The following CCDC92 variants were observed in gnomAD, a reference collection of about 807,000 sequenced individuals.
CCDC92 encodes coiled-coil domain containing 92.
In CCDC92, 12 loss-of-function variants were observed where a neutral mutation model predicts 24.9. The observed-to-expected ratio is 0.48, with a 90% confidence interval of 0.31 to 0.78. The LOEUF is 0.78. Among genes scored for constraint, CCDC92 ranks in the 30% least tolerant of loss-of-function variants. The pLI is 0.05. For synonymous variants in CCDC92, 193 were observed against 196.3 expected, an observed-to-expected ratio of 0.98 and a Z score of 0.14; for missense variants, 399 against 439.4, an observed-to-expected ratio of 0.91 and a Z score of 0.82.
intron 1 of CCDC92, among the ~76,000 whole-genome samples, chr12:123,949,546 C>T (rs1048210015): frequency 2.6e-5 from 4 of 152,210 alleles, no homozygotes; most frequent in African/African-American, 9.6e-5. Flanking sequence ...TAGTTTTTCT[C>T]CCCACAGAAC....
In CCDC92 at chr12:123,936,967, G is replaced by A. The variant is rs1201215525; in HGVS notation, c.*91C>T. On this transcript the variant is annotated 3_prime_UTR_variant, in exon 5 of 5. Transcript: ENST00000238156. ...GGTCGGTAGGTGTGAAAAGTGTTTG[G>A]CATGCATGGGATTAAACAGAAAAGG... 2.1e-6 allele frequency: 3 copies of A among 1,425,728 alleles called. No individual in the cohort carries two copies. Among genetic ancestry groups the A allele is most frequent in the Non-Finnish European group, 2.9e-6 (3 of 1,034,042 alleles). The allele number at this position is 1,425,728 out of a possible 1,614,324, so 88.3% of individuals were successfully genotyped here.
At chr12:123,949,353 C>T (rs982139534) in intron 1 of CCDC92, among the ~76,000 whole-genome samples, 6 of 152,248 alleles carry the variant, frequency 3.9e-5, no homozygotes, top group Non-Finnish European at 8.8e-5. Context: ...TTGCTGAGAG[C>T]CATCCGCAAT....
In CCDC92 at chr12:123,943,422, A is replaced by C. The variant is rs1391272174; in HGVS notation, c.106T>G (p.Phe36Val). The change falls in exon 3 of 5, where the codon TTC becomes GTC. Residue 36 changes from phenylalanine (F) to valine (V), a missense_variant. Phe to Val is a conservative substitution (Grantham distance 50). Transcript: ENST00000238156. ...QLHSAQKNLL[F>V]LQREHASTLK... ...GTGCTGGCATGCTCCCGCTGAAGGA[A>C]CAGGAGGTTCTTCTGTGCGCTGTGC... The C allele has an allele frequency of 6.2e-7, 1 of 1,614,158 alleles. No individual in the cohort carries two copies.
At chr12:123,972,176 T>C (rs958217278) in intron 1 of CCDC92, 2 of 151,824 alleles carry the variant, frequency 1.3e-5, no homozygotes, top group African/African-American at 4.8e-5. Flanking sequence ...GTCCGCACCC[T>C]GGACTGGAGC....
At chr12:123,970,518 T>C (rs1180443478) in intron 1 of CCDC92, among the ~76,000 whole-genome samples, 1 of 152,252 alleles carries the variant, frequency 6.6e-6, no homozygotes, top group African/African-American at 2.4e-5. Context: ...CAAATCCTTC[T>C]GCAGGTTGAA....
intron 1 of CCDC92, among the ~76,000 whole-genome samples, chr12:123,958,115 G>A (rs1262488596): frequency 7.9e-5 from 12 of 152,070 alleles, no homozygotes; most frequent in South Asian, 4.1e-4. Flanking sequence ...GTGCAACGGC[G>A]TGATCTCAGC....
At chr12:123,970,419 C>T (rs987412418) in intron 1 of CCDC92, 2 of 152,238 alleles carry the variant, frequency 1.3e-5, no homozygotes, top group African/African-American at 2.4e-5. Context: ...TTTCTGTACT[C>T]AATAATTACT....
chr12:123,958,505 A>G (rs191893089), intron 1 of CCDC92, among the ~76,000 whole-genome samples: 44 of 152,350 alleles, frequency 2.9e-4, no homozygotes, highest in Non-Finnish European at 5.6e-4. Context: ...TCCAATTTCA[A>G]ACTCAGGCTG....
chr12:123,969,444 A>G (rs892066721), intron 1 of CCDC92, among the ~76,000 whole-genome samples: 14 of 144,084 alleles, frequency 9.7e-5, no homozygotes, highest in Admixed American at 9.1e-4. Flanking sequence ...ATCATCTCTT[A>G]TATCATCTCT....
In CCDC92 at chr12:123,937,684, T is replaced by C. The variant is rs1189402811; in HGVS notation, c.370A>G (p.Lys124Glu). 6.2e-7 allele frequency: 1 copy of C among 1,614,152 alleles called. No homozygotes were observed. The highest frequency in any genetic ancestry group is 2.2e-5 in the East Asian group (1 of 44,882). The stretch of plus-strand genomic sequence containing the variant: ...TCCAGGTACTTCTTCTCTCGCTCCT[T>C]GATGGTGTTCTCCAGCACTGTGATC... The part of the protein sequence containing the change: ...AMITVLENTI[K>E]EREKKYLEEL... The change falls in exon 5 of 5, where the codon AAG (lysine) becomes GAG (glutamate). Residue 124 changes from lysine (K) to glutamate (E), a missense_variant. Physicochemically the swap from Lys to Glu is moderately conservative, Grantham distance 56 (BLOSUM62 1). Coordinates refer to ENST00000238156, the MANE Select transcript of CCDC92 (RefSeq NM_025140.3). This position sits in a 1 kb window ranked among gnomAD's most constrained non-coding sequence, Gnocchi z 8.4.
intron 1 of CCDC92, among the ~76,000 whole-genome samples, chr12:123,957,699 C>CTTTTTTTTTTTTT (rs59738995): frequency 1.3e-5 from 1 of 75,918 alleles, no homozygotes; most frequent in Non-Finnish European, 2.4e-5. Flanking sequence ...TTTTTTCCTT[C>CTTTTTTTTTTTTT]TTTTTTTTTT....
At chr12:123,961,821 G>A (rs551691182) in intron 1 of CCDC92, among the ~76,000 whole-genome samples, 3 of 152,274 alleles carry the variant, frequency 2.0e-5, no homozygotes, top group East Asian at 1.9e-4. Context: ...CAGTTCACAC[G>A]TTGGCAAATA....
intron 4 of CCDC92, among the ~76,000 whole-genome samples, chr12:123,938,393 G>T (rs1566144208): frequency 6.6e-6 from 1 of 152,084 alleles, no homozygotes; most frequent in Non-Finnish European, 1.5e-5. Context: ...TGCTCAGAGA[G>T]TGAGCTGTCT....
chr12:123,937,429 T>C lies in CCDC92; in HGVS notation c.625A>G (p.Ser209Gly). The C allele has an allele frequency of 6.2e-7, 1 of 1,613,860 alleles. No homozygotes were observed. The highest frequency in any genetic ancestry group is 8.5e-7 in the Non-Finnish European group (1 of 1,180,020). Residue 209 changes from serine to glycine, a missense_variant, in exon 5 of 5, where the codon AGC becomes GGC. Ser to Gly is a moderately conservative substitution (Grantham distance 56). Coordinates refer to ENST00000238156, the MANE Select transcript of CCDC92 (RefSeq NM_025140.3). This position sits in a 1 kb window ranked among gnomAD's most constrained non-coding sequence, Gnocchi z 8.4. ...PETPRRRMKK[S>G]LSAPLHPEFE... ...TCCGGGTGCAAGGGGGCTGAGAGGC[T>C]CTTTTTCATGCGGCGGCGAGGCGTT...
Position 123,962,417 on chromosome 12 carries a change from G to A in CCDC92, c.-60+10112C>T, listed in dbSNP as rs377766559. The A allele has an allele frequency of 7.9e-5, 12 of 152,244 alleles. No individual in the cohort carries two copies. The South Asian group carries it at 2.5e-3, about 32-fold the overall frequency. 9.4% of individuals were successfully genotyped at this position (152,244 alleles called of 1,614,324 possible). A position where few individuals can be genotyped will look rare whatever the true frequency, so the allele number is the denominator to read the frequency against. On this transcript the variant is annotated intron_variant, in intron 1 of 4. Transcript: ENST00000238156. ...TAAATGTTTGCTTTTTAAATTGGTT[G>A]CCTTATTTACTAATTTATTAATAAT...
At chr12:123,939,801 C>A (rs965839115) in intron 4 of CCDC92, among the ~76,000 whole-genome samples, 1 of 152,228 alleles carries the variant, frequency 6.6e-6, no homozygotes, top group Non-Finnish European at 1.5e-5. Flanking sequence ...TCTGTAGACA[C>A]TGTAAGACCC....
In CCDC92 at chr12:123,937,571, C is replaced by G; in HGVS notation, c.483G>C (p.Gln161His). The G allele has an allele frequency of 3.1e-6, 5 of 1,613,136 alleles. No homozygotes were observed. The highest frequency in any genetic ancestry group is 4.2e-6 in the Non-Finnish European group (5 of 1,180,016). The change falls in exon 5 of 5, where the codon CAG becomes CAC. Residue 161 changes from glutamine (Q) to histidine (H), a missense_variant. Gln to His is a conservative substitution (Grantham distance 24). Coordinates refer to ENST00000238156, the MANE Select transcript of CCDC92 (RefSeq NM_025140.3). This position sits in a 1 kb window ranked among gnomAD's most constrained non-coding sequence, Gnocchi z 8.4. ...TGAGCTTCTTCTTGGCGGCGTGCAG[C>G]TGGGAGGTCAGGTAGGCGATGGTGC... ...RASTIAYLTS[Q>H]LHAAKKKLMS...
chr12:123,966,781 C>T (rs1293220184), intron 1 of CCDC92, among the ~76,000 whole-genome samples: 2 of 152,228 alleles, frequency 1.3e-5, no homozygotes, highest in Admixed American at 1.3e-4. Flanking sequence ...GAAAGGCACT[C>T]TGCTCTAACC....
intron 1 of CCDC92, chr12:123,962,936 G>C (rs1427513102): frequency 6.6e-6 from 1 of 152,210 alleles, no homozygotes; most frequent in East Asian, 1.9e-4. Context: ...CGGAATTAAT[G>C]AAAGAACACG....
Sources: allele counts gnomAD v4.1 joint callset (sites outside exome capture counted in the v4.1 genomes callset), GRCh38; gene constraint gnomAD v4.1.1; non-coding constraint Gnocchi (gnomAD v3.1); transcripts MANE v1.5; gene names NCBI Gene and HGNC (gene_info 2026-07-23, HGNC 2026-07-21).